KTN1: variants seen among roughly 807,000 people sequenced by gnomAD.
KTN1 encodes the protein kinectin.
A neutral mutation model predicts 222.5 loss-of-function variants in KTN1; 130 were observed. The observed-to-expected ratio is 0.58, with a 90% confidence interval of 0.51 to 0.68. The LOEUF (loss-of-function observed/expected upper bound fraction) is 0.68, where lower values mean the gene tolerates loss of function less well. Ranked by LOEUF, KTN1 falls within the 30% of genes least tolerant of loss-of-function variation. The pLI is 0.00. For synonymous variants in KTN1, 512 were observed against 496.3 expected, an observed-to-expected ratio of 1.03 and a Z score of -0.42; for missense variants, 1,508 against 1,500.4, an observed-to-expected ratio of 1.01 and a Z score of -0.08.
intron 1 of KTN1, among the ~76,000 whole-genome samples, chr14:55,611,263 C>CTTTT (rs897315974): frequency 2.1e-4 from 24 of 116,058 alleles, no homozygotes; most frequent in African/African-American, 7.7e-4. Context: ...ATTTTCTTGT[C>CTTTT]TTTTTTTTTT....
rs934105556 is a variant in KTN1, at chr14:55,580,300, G to C, written c.-85G>C. ...GCGGCGCCTCGGAGCGGGCGGCCCGGGCTGTAGTGCCGGCGCCGCCGCGTC... is the reference window on the plus strand; with the variant it reads ...GCGGCGCCTCGGAGCGGGCGGCCCGCGCTGTAGTGCCGGCGCCGCCGCGTC... On this transcript the variant is annotated 5_prime_UTR_variant, in exon 1 of 44. Transcript: ENST00000395314. 1 of 151,880 alleles carries C rather than the reference G, an allele frequency of 6.6e-6. No individual in the cohort carries two copies. The highest frequency in any genetic ancestry group is 1.4e-5 in the Non-Finnish European group (1 of 69,508). 9.4% of individuals were successfully genotyped at this position (151,880 alleles called of 1,614,324 possible). A position where few individuals can be genotyped will look rare whatever the true frequency, so the allele number is the denominator to read the frequency against.
intron 19 of KTN1, among the ~76,000 whole-genome samples, chr14:55,647,495 T>C (rs2042483413): frequency 1.3e-5 from 2 of 151,278 alleles, no homozygotes; most frequent in Admixed American, 1.3e-4. Context: ...TAGCCAGGCA[T>C]GGTGGTGCAT....
Position 55,658,749 on chromosome 14 carries a change from A to T in KTN1, c.2961+135A>T, listed in dbSNP as rs1054250030. The T allele has an allele frequency of 5.0e-6, 3 of 600,646 alleles. No homozygotes were observed. The African/African-American group carries it at 5.7e-5, about 12-fold the overall frequency. 37.2% of individuals were successfully genotyped at this position (600,646 alleles called of 1,614,324 possible). ...GTTTTATTTATGTTTATCAAATTTT[A>T]TATAAAAGAAAGCAACTTGCTATGT... On this transcript the variant is annotated intron_variant, in intron 30 of 43. Coordinates refer to ENST00000395314, the MANE Select transcript of KTN1 (RefSeq NM_001079521.2).
intron 19 of KTN1, among the ~76,000 whole-genome samples, chr14:55,647,398 G>C (rs1033476790): frequency 6.6e-6 from 1 of 152,082 alleles, no homozygotes; most frequent in Non-Finnish European, 1.5e-5. Flanking sequence ...ACTTTGGGAG[G>C]CTGAGGCGGG....
At position 55,652,956 on chromosome 14, in the gene KTN1, C is replaced by G. The variant is rs2043091265; in HGVS notation, c.2694+16C>G. The G allele has an allele frequency of 6.3e-7, 1 of 1,594,648 alleles. No individual in the cohort carries two copies. The highest frequency in any genetic ancestry group is 1.3e-5 in the African/African-American group (1 of 74,110). ...GTGGTTACAGGTGAGAAATTAAAAACAATAAAAAATAGCCTTTTTATACTT... is the reference window on the plus strand; with the variant it reads ...GTGGTTACAGGTGAGAAATTAAAAAGAATAAAAAATAGCCTTTTTATACTT... On this transcript the variant is annotated intron_variant, in intron 26 of 43. Transcript: ENST00000395314.
At chr14:55,620,799 C>T (rs2039035926) in intron 5 of KTN1, among the ~76,000 whole-genome samples, 1 of 152,214 alleles carries the variant, frequency 6.6e-6, no homozygotes, top group African/African-American at 2.4e-5. Context: ...AGGTCTTTGA[C>T]ATGCTCTGGA....
intron 1 of KTN1, among the ~76,000 whole-genome samples, chr14:55,590,014 A>AC (rs2033831447): frequency 6.6e-6 from 1 of 151,996 alleles, no homozygotes; most frequent in Non-Finnish European, 1.5e-5. Flanking sequence ...ACAAAACAAA[A>AC]AAAACCACAC....
At chr14:55,596,154 CAAAAAAA>C (rs71448460) in intron 1 of KTN1, among the ~76,000 whole-genome samples, 3 of 61,132 alleles carry the variant, frequency 4.9e-5, no homozygotes, top group Non-Finnish European at 9.1e-5. Context: ...GACTCAATAG[CAAAAAAA>C]AAAAAAAAAA....
At position 55,659,685 on chromosome 14, in the gene KTN1, A is replaced by G; in HGVS notation, c.2981A>G (p.His994Arg). ...TGATAGGCATCTTCTTTTCCCCCTC[A>G]TGAAGAATTATTAAAAGTGTAAGTA... The part of the protein sequence containing the change: ...NYQQASSFPP[H>R]EELLKVISER... Residue 994 changes from histidine (H) to arginine (R), a missense_variant, in exon 31 of 44, where the codon CAT becomes CGT. Transcript: ENST00000395314. 1 of 1,498,838 alleles carries G rather than the reference A, an allele frequency of 6.7e-7. No individual in the cohort carries two copies. Among genetic ancestry groups the G allele is most frequent in the Non-Finnish European group, 9.3e-7 (1 of 1,076,784 alleles). 92.8% of individuals were successfully genotyped at this position (1,498,838 alleles called of 1,614,324 possible).
chr14:55,640,329 A>T, intron 14 of KTN1, 45 bp from the exon 15 acceptor site: 1 of 1,278,010 alleles, frequency 7.8e-7, no homozygotes, highest in Admixed American at 2.1e-5. Context: ...AAACTTTAAA[A>T]TCAGTTGTAT....
intron 43 of KTN1, chr14:55,680,715 A>T: frequency 1.5e-6 from 2 of 1,366,446 alleles, no homozygotes; most frequent in Non-Finnish European, 2.0e-6. Flanking sequence ...ACCTTGACAC[A>T]TGCTCTCCTT....
At chr14:55,657,950 T>C (rs2043678018) in intron 29 of KTN1, among the ~76,000 whole-genome samples, 1 of 152,098 alleles carries the variant, frequency 6.6e-6, no homozygotes, top group Admixed American at 6.5e-5. Context: ...CTAATGTGTT[T>C]ATAATTCTTT....
intron 39 of KTN1, 33 bp from the exon 40 acceptor site, chr14:55,673,139 G>C (rs762354949): frequency 4.5e-6 from 7 of 1,564,278 alleles, no homozygotes; most frequent in Non-Finnish European, 6.2e-6. Context: ...CTATCATAAG[G>C]AGATCAATCT....
chr14:55,649,991 A>C (rs1221369856), intron 22 of KTN1, among the ~76,000 whole-genome samples, 178 bp downstream of exon 22: 13 of 130,850 alleles, frequency 9.9e-5, no homozygotes, highest in Admixed American at 6.7e-4. Context: ...AATTCAGTAT[A>C]ATTAAAAAAA....
chr14:55,659,536 GT>G (rs1216050285), intron 30 of KTN1, 129 bp from the exon 31 acceptor site: 1 of 666,218 alleles, frequency 1.5e-6, no homozygotes, highest in African/African-American at 1.8e-5. Flanking sequence ...TAAAGTCAGG[GT>G]TACTGGCATA....
rs1446715131 is a variant in KTN1, at chr14:55,649,008, C to G, written c.2367+138C>G. The stretch of plus-strand genomic sequence containing the variant: ...TGGTACAATCATAACTCACCGTAAC[C>G]TCGAACTCCTGGGCTCAACCGATAA... On this transcript the variant is annotated intron_variant, in intron 21 of 43. Coordinates refer to ENST00000395314, the MANE Select transcript of KTN1 (RefSeq NM_001079521.2). The G allele has an allele frequency of 4.2e-5, 26 of 625,956 alleles. 1 individual carries two copies. In the East Asian group the frequency reaches 7.3e-4, roughly 18 times the overall value. 38.8% of individuals were successfully genotyped at this position (625,956 alleles called of 1,614,324 possible). A position where few individuals can be genotyped will look rare whatever the true frequency, so the allele number is the denominator to read the frequency against.
At chr14:55,587,437 A>G (rs1300157998) in intron 1 of KTN1, among the ~76,000 whole-genome samples, 1 of 152,180 alleles carries the variant, frequency 6.6e-6, no homozygotes, top group African/African-American at 2.4e-5. Context: ...TAATTTAGTG[A>G]ATGCTTGTGT....
intron 1 of KTN1, among the ~76,000 whole-genome samples, chr14:55,606,241 G>C (rs1020557021): frequency 6.6e-6 from 1 of 152,082 alleles, no homozygotes; most frequent in Non-Finnish European, 1.5e-5. Flanking sequence ...ATATCTTAAA[G>C]GTGTATTCAT....
chr14:55,636,551 T>C lies in KTN1; in HGVS notation c.1549+15T>C. ...AGCACAGCAAGGTAAGGGGAAGAAG[T>C]ATTCATGTAAACTTTGTATATAATT... On this transcript the variant is annotated intron_variant, in intron 10 of 43. Transcript: ENST00000395314. The C allele has an allele frequency of 6.3e-7, 1 of 1,579,020 alleles. No individual in the cohort carries two copies. Among genetic ancestry groups the C allele is most frequent in the Non-Finnish European group, 8.7e-7 (1 of 1,154,638 alleles).
Sources: gnomAD v4.1 joint callset for allele counts (sites outside exome capture counted in the v4.1 genomes callset) on GRCh38, gnomAD v4.1.1 for gene constraint, MANE v1.5 for transcripts, NCBI Gene and HGNC (gene_info 2026-07-23, HGNC 2026-07-21) for gene names.